Variants in USP36 observed in about 807,000 individuals in gnomAD.
USP36 encodes the protein ubiquitin carboxyl-terminal hydrolase 36.
In USP36, 59 loss-of-function variants were observed where a neutral mutation model predicts 111.5. That is an observed-to-expected ratio of 0.53 (90% CI 0.43 to 0.66). The LOEUF (loss-of-function observed/expected upper bound fraction) is 0.66, where lower values mean the gene tolerates loss of function less well. Ranked by LOEUF, USP36 falls within the 30% of genes least tolerant of loss-of-function variation. The pLI, the probability that USP36 is intolerant of heterozygous loss-of-function variation, is 0.00. For missense variants in USP36, 1,488 were observed against 1,468.0 expected (o/e 1.01, Z -0.22); for synonymous variants, 628 against 581.0 (o/e 1.08, Z -1.16).
chr17:78,827,352 A>G lies in USP36; in HGVS notation c.587-5T>C, dbSNP rs771762893. On this transcript the variant is annotated splice_region_variant and splice_polypyrimidine_tract_variant and intron_variant, in intron 5 of 20. Coordinates refer to ENST00000449938, the MANE Select transcript of USP36 (RefSeq NM_001385174.1). ...AGCGGAAGTGTCGGGCGATCTCTAAAAGAGGAAGAAACAGGGAGGGAAGAG... is the reference window on the plus strand; with the variant it reads ...AGCGGAAGTGTCGGGCGATCTCTAAGAGAGGAAGAAACAGGGAGGGAAGAG... The G allele has an allele frequency of 6.2e-7, 1 of 1,607,382 alleles. No homozygotes were observed. The highest frequency in any genetic ancestry group is 1.7e-5 in the Admixed American group (1 of 59,788).
intron 4 of USP36, among the ~76,000 whole-genome samples, chr17:78,834,172 A>G (rs890500387): frequency 6.6e-6 from 1 of 151,572 alleles, no homozygotes; most frequent in African/African-American, 2.4e-5. Flanking sequence ...GCTTGCACCC[A>G]GGAGGCGGAG....
chr17:78,827,103 C>A, intron 6 of USP36, 142 bp downstream of exon 6: 1 of 926,644 alleles, frequency 1.1e-6, no homozygotes, highest in African/African-American at 1.6e-5. Context: ...GTTTGAGTAC[C>A]CAGAGGCAAA....
At chr17:78,840,621 C>T (rs1342626896) in intron 1 of USP36, 115 bp downstream of exon 1, 3 of 152,704 alleles carry the variant, frequency 2.0e-5, no homozygotes, top group African/African-American at 7.2e-5. Flanking sequence ...CCCACGTTCT[C>T]CCTGAGCGTC....
Position 78,812,165 on chromosome 17 carries a change from T to G in USP36, c.1407+695A>C, listed in dbSNP as rs1009380870. Among the ~76,000 whole-genome samples the G allele has an allele frequency of 2.6e-5, 4 of 151,928 alleles. No individual in the cohort carries two copies. The South Asian group carries it at 6.2e-4, about 24-fold the overall frequency. ...TTGTGCCACTGTACTCCAGTCTGGGTAACAGAGTGAGACCCTGTCTCCAAA... is the reference window on the plus strand; with the variant it reads ...TTGTGCCACTGTACTCCAGTCTGGGGAACAGAGTGAGACCCTGTCTCCAAA... On this transcript the variant is annotated intron_variant, in intron 13 of 20. Transcript: ENST00000449938.
chr17:78,828,714 A>G (rs1370720949), intron 5 of USP36, among the ~76,000 whole-genome samples, 183 bp downstream of exon 5: 1 of 152,186 alleles, frequency 6.6e-6, no homozygotes, highest in Non-Finnish European at 1.5e-5. Flanking sequence ...GGCCTTCAGT[A>G]ACAGATGGAG....
At position 78,820,644 on chromosome 17, in the gene USP36, C is replaced by A. The variant is rs370724993; in HGVS notation, c.828+347G>T. The stretch of plus-strand genomic sequence containing the variant: ...AGCAGGATGTGCGACAAAGCCAAGG[C>A]TGCTCTCCCAGGTGAGGCCCACAGA... On this transcript the variant is annotated intron_variant, in intron 8 of 20. Transcript: ENST00000449938. 3.3e-4 allele frequency among the ~76,000 whole-genome samples: 51 copies of A among 152,324 alleles called. No individual in the cohort carries two copies. In the Middle Eastern group the frequency reaches 0.014, roughly 41 times the overall value.
At chr17:78,830,583 C>T (rs2067993805) in intron 4 of USP36, among the ~76,000 whole-genome samples, 1 of 152,220 alleles carries the variant, frequency 6.6e-6, no homozygotes, top group East Asian at 1.9e-4. Context: ...CTGTTGTCTA[C>T]TACACAGTGC....
intron 10 of USP36, among the ~76,000 whole-genome samples, chr17:78,818,306 A>G (rs749070609): frequency 6.6e-6 from 1 of 152,112 alleles, no homozygotes; most frequent in Non-Finnish European, 1.5e-5. Context: ...GCTGCGGTAA[A>G]TCCATTAAGA....
intron 4 of USP36, among the ~76,000 whole-genome samples, chr17:78,830,518 T>C (rs1302835745): frequency 6.6e-6 from 1 of 152,198 alleles, no homozygotes; most frequent in Non-Finnish European, 1.5e-5. Flanking sequence ...AAGTACACGC[T>C]CAGAAGACAA....
chr17:78,803,643 C>A lies in USP36; in HGVS notation c.2552G>T (p.Arg851Leu), dbSNP rs369804184. The A allele has an allele frequency of 4.3e-6, 7 of 1,609,946 alleles. No individual in the cohort carries two copies. Among genetic ancestry groups the A allele is most frequent in the Non-Finnish European group, 5.1e-6 (6 of 1,178,776 alleles). ...GGCGCTGGCAGCTGTGTCCTCCGGG[C>A]GCTTCTTCTTCTTCCTCTTCCTCTT... ...HGKRKRKKKKRPEDTAASALQ... is the reference protein window; with the variant it reads ...HGKRKRKKKKLPEDTAASALQ... Residue 851 changes from arginine (R) to leucine (L), a missense_variant, in exon 16 of 21, where the codon CGC (arginine) becomes CTC (leucine). Transcript: ENST00000449938. The surrounding 1 kb of genome is among the most constrained non-coding windows in gnomAD (Gnocchi z 4.6).
chr17:78,801,042 T>C lies in USP36; in HGVS notation c.3023-1274A>G, dbSNP rs1229818134. On this transcript the variant is annotated intron_variant, in intron 17 of 20. Coordinates refer to ENST00000449938, the MANE Select transcript of USP36 (RefSeq NM_001385174.1). ...CCCAGGCTGGAGTGCAGTGGCGCAA[T>C]CTCGGCTCACTGCAAGCTCCGCCTC... Among the ~76,000 whole-genome samples the C allele has an allele frequency of 8.5e-5, 12 of 141,608 alleles. No individual in the cohort carries two copies. In the Admixed American group the frequency reaches 9.0e-4, roughly 11 times the overall value. The allele number at this position is 141,608 out of a possible 152,430, so 92.9% of individuals were successfully genotyped here.
At chr17:78,834,792 C>A (rs1056716529) in intron 4 of USP36, among the ~76,000 whole-genome samples, 1 of 151,836 alleles carries the variant, frequency 6.6e-6, no homozygotes, top group African/African-American at 2.4e-5. Context: ...TTATAATACA[C>A]ATAAGATATG....
In USP36 at chr17:78,828,190, G is replaced by C. The variant is rs143963015; in HGVS notation, c.586+707C>G. On this transcript the variant is annotated intron_variant, in intron 5 of 20. Coordinates refer to ENST00000449938, the MANE Select transcript of USP36 (RefSeq NM_001385174.1). ...GATTGCACCACTGTCCTCCAGCCTA[G>C]GTATAAGAGCAAAACCCTGTCTCAA... is the stretch of plus-strand genomic sequence containing the variant. Among the ~76,000 whole-genome samples the C allele has an allele frequency of 5.3e-3, 808 of 152,250 alleles. 7 individuals are homozygous for C. The highest frequency in any genetic ancestry group is 0.018 in the African/African-American group (749 of 41,538).
chr17:78,802,504 C>T lies in USP36; in HGVS notation c.2842G>A (p.Ala948Thr). The change falls in exon 17 of 21, where the codon GCC becomes ACC. Residue 948 changes from alanine (A) to threonine (T), a missense_variant. Coordinates refer to ENST00000449938, the MANE Select transcript of USP36 (RefSeq NM_001385174.1). ...CSPMGDGDPE[A>T]MEESPRKKKK... Reference sequence around the variant, plus strand: ...TTTTTCCTTGGAGACTCTTCCATGGCCTCTGGATCACCATCACCCATGGGA... The same window carrying T: ...TTTTTCCTTGGAGACTCTTCCATGGTCTCTGGATCACCATCACCCATGGGA... 1 of 1,607,832 alleles carries T rather than the reference C, an allele frequency of 6.2e-7. No homozygotes were observed. Among genetic ancestry groups the T allele is most frequent in the Non-Finnish European group, 8.5e-7 (1 of 1,179,842 alleles).
intron 12 of USP36, 21 bp downstream of exon 12, chr17:78,813,752 G>A: frequency 5.6e-6 from 9 of 1,608,726 alleles, no homozygotes; most frequent in Non-Finnish European, 6.8e-6. Flanking sequence ...AGCTCATCTG[G>A]GGAGGGCGTG....
Position 78,835,358 on chromosome 17 carries a change from G to A in USP36, c.397C>T (p.Leu133Phe). ...GTCAAGCACTGGATGGTGGCATTGA[G>A]AAAGCAGGTGTTGCCAAGGTTGTGG... ...GLHNLGNTCF[L>F]NATIQCLTYT... is the part of the protein sequence containing the mutation. Residue 133 changes from leucine to phenylalanine, a missense_variant, in exon 4 of 21, where the codon CTC (leucine) becomes TTC (phenylalanine). Physicochemically the swap from Leu to Phe is conservative, Grantham distance 22. This residue lies in a region of USP36 where 219 missense variants were observed against 209.5 expected (regional missense o/e 1.05). Coordinates refer to ENST00000449938, the MANE Select transcript of USP36 (RefSeq NM_001385174.1). 1 of 1,614,236 alleles carries A rather than the reference G, an allele frequency of 6.2e-7. No individual in the cohort carries two copies. The highest frequency in any genetic ancestry group is 8.5e-7 in the Non-Finnish European group (1 of 1,180,046).
intron 3 of USP36, among the ~76,000 whole-genome samples, chr17:78,790,169 ACC>A (rs1165705483): frequency 2.2e-4 from 34 of 152,178 alleles, no homozygotes; most frequent in African/African-American, 7.0e-4. Context: ...GCTCACTGCA[ACC>A]TCGGCTTTCC....
At chr17:78,833,437 G>A (rs1194313089) in intron 4 of USP36, among the ~76,000 whole-genome samples, 3 of 151,956 alleles carry the variant, frequency 2.0e-5, no homozygotes, top group Admixed American at 1.3e-4. Flanking sequence ...GTGAGCCACC[G>A]TGCCCAGCCA....
intron 2 of USP36, among the ~76,000 whole-genome samples, chr17:78,836,931 G>A (rs1032448432): frequency 3.9e-5 from 6 of 152,146 alleles, no homozygotes; most frequent in Admixed American, 2.0e-4. Flanking sequence ...CAGGCCACAC[G>A]TGGCTACTGA....
Sources: gnomAD v4.1 joint callset for allele counts (sites outside exome capture counted in the v4.1 genomes callset) on GRCh38, gnomAD v4.1.1 for gene constraint, gnomAD v4.1.1 regional missense constraint, Gnocchi (gnomAD v3.1) non-coding constraint, MANE v1.5 for transcripts, NCBI Gene and HGNC (gene_info 2026-07-23, HGNC 2026-07-21) for gene names.